FLT4: variants seen among roughly 807,000 people sequenced by gnomAD.
The protein encoded by FLT4 is fms related receptor tyrosine kinase 4, also known as vascular endothelial growth factor receptor 3.
FLT4 carries 30 observed loss-of-function variants against 163.2 expected under a neutral mutation model. The observed-to-expected ratio is 0.18, with a 90% CI of 0.14 to 0.25. The LOEUF (loss-of-function observed/expected upper bound fraction) is 0.25, where lower values mean the gene tolerates loss of function less well. Among genes scored for constraint, FLT4 ranks in the 10% least tolerant of loss-of-function variants. The probability of loss-of-function intolerance (pLI) is 1.00; values close to 1 mark genes in which losing one functional copy is unlikely to be tolerated. For missense variants in FLT4, 1,510 were observed against 1,863.8 expected (o/e 0.81, Z 3.50); for synonymous variants, 884 against 789.5 (o/e 1.12, Z -2.01).
In FLT4 at chr5:180,620,748, G is replaced by C; in HGVS notation, c.2300-33C>G. Reference sequence around the variant, plus strand: ...GGCAGAAAGGGGCCGGCGTGTGTGTGTGTGTGTGTAAGAGCGTGCACCTGC... The same window carrying C: ...GGCAGAAAGGGGCCGGCGTGTGTGTCTGTGTGTGTAAGAGCGTGCACCTGC... On this transcript the variant is annotated intron_variant, in intron 15 of 29. Coordinates refer to ENST00000261937, the MANE Select transcript of FLT4 (RefSeq NM_182925.5). This position sits in a 1 kb window ranked among gnomAD's most constrained non-coding sequence, Gnocchi z 4.4. 2.5e-6 allele frequency: 4 copies of C among 1,600,754 alleles called. No homozygotes were observed. Among genetic ancestry groups the C allele is most frequent in the Non-Finnish European group, 3.4e-6 (4 of 1,168,866 alleles).
intron 28 of FLT4, 26 bp from the exon 29 acceptor site, chr5:180,609,079 G>A (rs1761978201): frequency 6.2e-7 from 1 of 1,606,822 alleles, no homozygotes; most frequent in Non-Finnish European, 8.5e-7. Context: ...AAGCCAGGCT[G>A]TGGGTCCCGC....
At chr5:180,619,628 C>CCAG (rs771777315) in intron 18 of FLT4, 37 bp downstream of exon 18, 1 of 1,515,468 alleles carries the variant, frequency 6.6e-7, no homozygotes, top group Non-Finnish European at 9.2e-7. Flanking sequence ...CTGCTCCTCA[C>CCAG]CAGCTAGGCT....
Position 180,612,966 on chromosome 5 carries a change from G to A in FLT4, c.3431+45C>T, listed in dbSNP as rs200339318. 8.8e-6 allele frequency: 13 copies of A among 1,480,244 alleles called. 1 individual carries two copies. The Middle Eastern group carries it at 1.2e-3, about 140-fold the overall frequency. The allele number at this position is 1,480,244 out of a possible 1,614,324, so 91.7% of individuals were successfully genotyped here. A position where few individuals can be genotyped will look rare whatever the true frequency, so the allele number is the denominator to read the frequency against. ...TCATGGACACAACCCCCACGCCCCC[G>A]ACGCTTGCTGTCCCCAAAACCTGCA... On this transcript the variant is annotated intron_variant, in intron 25 of 29. Transcript: ENST00000261937.
At chr5:180,616,151 C>T (rs551314530) in intron 23 of FLT4, among the ~76,000 whole-genome samples, 1 of 152,028 alleles carries the variant, frequency 6.6e-6, no homozygotes, top group African/African-American at 2.4e-5. Context: ...GGTCACCTCC[C>T]TTCTCCACTT....
chr5:180,613,336 C>G, intron 24 of FLT4: 1 of 487,900 alleles, frequency 2.0e-6, no homozygotes, highest in Non-Finnish European at 3.6e-6. Context: ...AGGACTGTGC[C>G]GCCTGCTTGC....
At position 180,633,913 on chromosome 5, in the gene FLT4, A is replaced by G. The variant is rs115037823; in HGVS notation, c.59-2135T>C. Among the ~76,000 whole-genome samples, 385 of 152,234 alleles carry G rather than the reference A, an allele frequency of 2.5e-3. 2 individuals are homozygous for G. Among genetic ancestry groups the G allele is most frequent in the African/African-American group, 8.7e-3 (360 of 41,532 alleles). On this transcript the variant is annotated intron_variant, in intron 1 of 29. Transcript: ENST00000261937. Reference sequence around the variant, plus strand: ...GGAGAGAGAACATCCCGCCACCCCTACTGAGGTCTGGAGTGTTGAGCTGGT... The same window carrying G: ...GGAGAGAGAACATCCCGCCACCCCTGCTGAGGTCTGGAGTGTTGAGCTGGT...
At chr5:180,611,655 C>G in intron 26 of FLT4, 176 bp from the exon 27 acceptor site, 2 of 693,530 alleles carry the variant, frequency 2.9e-6, no homozygotes, top group Non-Finnish European at 2.4e-6. Context: ...GCTCTGCCCT[C>G]GGGACTGCTT....
Position 180,620,313 on chromosome 5 carries a change from G to A in FLT4, c.2407-5C>T, listed in dbSNP as rs377603682. ...CTTGATGTCTGCGTGGGCCGGCTGC[G>A]GGGAGGGGACAGGGAGGAGTGGGGC... On this transcript the variant is annotated splice_polypyrimidine_tract_variant and splice_region_variant and intron_variant, in intron 16 of 29. Coordinates refer to ENST00000261937, the MANE Select transcript of FLT4 (RefSeq NM_182925.5). This position sits in a 1 kb window ranked among gnomAD's most constrained non-coding sequence, Gnocchi z 4.4. 1.3e-5 allele frequency: 21 copies of A among 1,610,622 alleles called. No individual in the cohort carries two copies. Among genetic ancestry groups the A allele is most frequent in the Middle Eastern group, 1.6e-4 (1 of 6,082 alleles).
At chr5:180,627,480 G>A (rs918776442) in intron 8 of FLT4, among the ~76,000 whole-genome samples, 4 of 152,196 alleles carry the variant, frequency 2.6e-5, no homozygotes, top group African/African-American at 7.2e-5. Flanking sequence ...GGTTTAACCC[G>A]GACAGTGACA....
Position 180,616,356 on chromosome 5 carries a change from C to T in FLT4, c.3219+11G>A, listed in dbSNP as rs1034740172. ...GCCCCACGTTCCCTCTCCTCAATGGCCTGCACTCACACTGCCCTTGCGGAC... is the reference window on the plus strand; with the variant it reads ...GCCCCACGTTCCCTCTCCTCAATGGTCTGCACTCACACTGCCCTTGCGGAC... On this transcript the variant is annotated intron_variant, in intron 23 of 29. Transcript: ENST00000261937. 49 of 1,613,926 alleles carry T rather than the reference C, an allele frequency of 3.0e-5. No individual in the cohort carries two copies. The highest frequency in any genetic ancestry group is 4.1e-5 in the Non-Finnish European group (48 of 1,179,986).
rs114195364 is a variant in FLT4, at chr5:180,621,473, C to T, written c.2020+69G>A. The T allele has an allele frequency of 3.7e-4, 590 of 1,582,892 alleles. 4 individuals carry two copies. In the African/African-American group the frequency reaches 6.9e-3, roughly 19 times the overall value. On this transcript the variant is annotated intron_variant, in intron 13 of 29. Coordinates refer to ENST00000261937, the MANE Select transcript of FLT4 (RefSeq NM_182925.5). The stretch of plus-strand genomic sequence containing the variant: ...TAGACCTCCCAGGGGCGAGCCACGC[C>T]GGGGCAAAGGCAGAGGCAGCTACTG...
intron 1 of FLT4, among the ~76,000 whole-genome samples, chr5:180,632,563 A>G (rs1236594984): frequency 6.6e-6 from 1 of 152,010 alleles, no homozygotes. Context: ...TGCAGGACTC[A>G]GCCCTGCTGC....
Position 180,630,516 on chromosome 5 carries a change from C to G in FLT4, c.400+39G>C. ...GGGGGCGGTGTGGGCCCCAGCTGCC[C>G]GGGACCCTGCTCCAGCCTGGCCCGC... On this transcript the variant is annotated intron_variant, in intron 3 of 29. Coordinates refer to ENST00000261937, the MANE Select transcript of FLT4 (RefSeq NM_182925.5). This position sits in a 1 kb window ranked among gnomAD's most constrained non-coding sequence, Gnocchi z 6.3. The G allele has an allele frequency of 1.2e-6, 2 of 1,610,872 alleles. No individual in the cohort carries two copies.
chr5:180,624,057 G>A lies in FLT4; in HGVS notation c.1426C>T (p.Arg476Trp), dbSNP rs756924526. The stretch of plus-strand genomic sequence containing the variant: ...GGCATGAGGTCTTGCTGCTGCCGCC[G>A]CCGGCTGCCAGGACCAGAAGAGGCA... ...CKMFAQRSLR[R>W]RQQQDLMPQC... Residue 476 changes from arginine to tryptophan, a missense_variant, in exon 11 of 30, where the codon CGG becomes TGG. Coordinates refer to ENST00000261937, the MANE Select transcript of FLT4 (RefSeq NM_182925.5). 16 of 1,611,746 alleles carry A rather than the reference G, an allele frequency of 9.9e-6. No homozygotes were observed. In the Admixed American group the frequency reaches 1.3e-4, roughly 13 times the overall value.
chr5:180,603,077 G>C lies in FLT4; in HGVS notation c.*115C>G, dbSNP rs1761595991. The stretch of plus-strand genomic sequence containing the variant: ...TGGGAAGTCTGCAGAGAGGGAAGAG[G>C]ACACTCCTGTGCCACCAGAGTTCAA... On this transcript the variant is annotated 3_prime_UTR_variant, in exon 30 of 30. Coordinates refer to ENST00000261937, the MANE Select transcript of FLT4 (RefSeq NM_182925.5). 3 of 998,148 alleles carry C rather than the reference G, an allele frequency of 3.0e-6. No individual in the cohort carries two copies. The highest frequency in any genetic ancestry group is 4.7e-6 in the Non-Finnish European group (3 of 642,628). 61.8% of individuals were successfully genotyped at this position (998,148 alleles called of 1,614,324 possible). A position where few individuals can be genotyped will look rare whatever the true frequency, so the allele number is the denominator to read the frequency against.
rs200040674 is a variant in FLT4, at chr5:180,621,591, G to A, written c.1971C>T (p.Asp657=). The A allele has an allele frequency of 1.9e-6, 3 of 1,611,052 alleles. No homozygotes were observed. The African/African-American group carries it at 4.0e-5, about 21-fold the overall frequency. The change falls in exon 13 of 30, where the codon GAC becomes GAT. Residue 657 remains aspartate (D), a synonymous_variant. Transcript: ENST00000261937. The part of the protein sequence containing the change: ...HEGHYVCEVQ[D]RRSHDKHCHK... ...GGCAGTGCTTGTCATGGCTGCGCCG[G>A]TCTTGCACTTCGCACACATAGTGGC...
In FLT4 at chr5:180,620,659, C is replaced by T. The variant is rs1006377301; in HGVS notation, c.2356G>A (p.Ala786Thr). ...IVILVGTGVI[A>T]VFFWVLLLLI... Reference sequence around the variant, plus strand: ...AGGAGGAGGACCCAGAAGAAGACAGCGATGACGCCGGTACCGACAAGGATC... The same window carrying T: ...AGGAGGAGGACCCAGAAGAAGACAGTGATGACGCCGGTACCGACAAGGATC... The change falls in exon 16 of 30, where the codon GCT (alanine) becomes ACT (threonine). Residue 786 changes from alanine (A) to threonine (T), a missense_variant. Ala to Thr is a moderately conservative substitution (Grantham distance 58, BLOSUM62 0). Coordinates refer to ENST00000261937, the MANE Select transcript of FLT4 (RefSeq NM_182925.5). The surrounding 1 kb of genome is among the most constrained non-coding windows in gnomAD (Gnocchi z 4.4). The T allele has an allele frequency of 6.2e-7, 1 of 1,613,362 alleles. No homozygotes were observed. Among genetic ancestry groups the T allele is most frequent in the African/African-American group, 1.3e-5 (1 of 74,896 alleles).
intron 1 of FLT4, among the ~76,000 whole-genome samples, chr5:180,642,099 C>T (rs1490212810): frequency 5.3e-5 from 8 of 151,520 alleles, no homozygotes; most frequent in South Asian, 2.1e-4. Flanking sequence ...CCCAGCTACT[C>T]GAGAGGCTGA....
chr5:180,644,329 C>A (rs1003367480), intron 1 of FLT4, among the ~76,000 whole-genome samples: 2 of 152,182 alleles, frequency 1.3e-5, no homozygotes, highest in Non-Finnish European at 2.9e-5. Context: ...CGGAGGGGCA[C>A]GCCGGGCGTG....
Sources: allele counts gnomAD v4.1 joint callset (sites outside exome capture counted in the v4.1 genomes callset), GRCh38; gene constraint gnomAD v4.1.1; non-coding constraint Gnocchi (gnomAD v3.1); transcripts MANE v1.5; gene names NCBI Gene and HGNC (gene_info 2026-07-23, HGNC 2026-07-21).